The following SCN10A variants were observed in gnomAD, a reference collection of about 807,000 sequenced individuals.
SCN10A encodes the protein sodium channel protein type 10 subunit alpha.
In SCN10A, 162 loss-of-function variants were observed where a neutral mutation model predicts 170.7. That is an observed-to-expected ratio of 0.95 (90% CI 0.84 to 1.08). SCN10A has a LOEUF of 1.08. Ranked by LOEUF, SCN10A falls within the 50% of genes least tolerant of loss-of-function variation. The pLI is 0.00. For missense variants in SCN10A, 2,527 were observed against 2,436.9 expected, an observed-to-expected ratio of 1.04 and a Z score of -0.78; for synonymous variants, 985 against 904.6, an observed-to-expected ratio of 1.09 and a Z score of -1.59.
intron 4 of SCN10A, among the ~76,000 whole-genome samples, chr3:38,776,920 T>C (rs892441563): frequency 6.6e-6 from 1 of 152,034 alleles, no homozygotes; most frequent in Non-Finnish European, 1.5e-5. Context: ...TTTACTATAC[T>C]AACAGATGAA....
At position 38,710,874 on chromosome 3, in the gene SCN10A, G is replaced by T; in HGVS notation, c.4113C>A (p.Asp1371Glu). The stretch of plus-strand genomic sequence containing the variant: ...GGGAATCAACAGCTGCATACATAAT[G>T]TCCATCCAGCCTTTAAAGGTTGCCT... ...LQVATFKGWM[D>E]IMYAAVDSRE... The change falls in exon 24 of 28, where the codon GAC (aspartate) becomes GAA (glutamate). Residue 1371 changes from aspartate to glutamate, a missense_variant. Transcript: ENST00000449082. 6.2e-7 allele frequency: 1 copy of T among 1,613,840 alleles called. No homozygotes were observed.
intron 13 of SCN10A, among the ~76,000 whole-genome samples, chr3:38,742,990 T>C (rs1210490753): frequency 6.6e-6 from 1 of 152,138 alleles, no homozygotes; most frequent in East Asian, 1.9e-4. Flanking sequence ...ACAACTATGC[T>C]TACCAACCCT....
chr3:38,734,123 G>A (rs1347604454), intron 15 of SCN10A, among the ~76,000 whole-genome samples: 1 of 152,202 alleles, frequency 6.6e-6, no homozygotes, highest in Non-Finnish European at 1.5e-5. Context: ...TGGGATTCAA[G>A]CAATTCTCAT....
chr3:38,697,491 T>A lies in SCN10A; in HGVS notation c.5729A>T (p.Glu1910Val). Residue 1910 changes from glutamate (E) to valine (V), a missense_variant, in exon 28 of 28, where the codon GAA (glutamate) becomes GTA (valine). Transcript: ENST00000449082. ...TGGGAATGATGTGGCAGAAGCAGTTTCAGATTTGTCTGGGAGTACACAATT... is the reference window on the plus strand; with the variant it reads ...TGGGAATGATGTGGCAGAAGCAGTTACAGATTTGTCTGGGAGTACACAATT... Reference protein sequence around the residue: ...NENCVLPDKSETASATSFPPS... With the variant: ...NENCVLPDKSVTASATSFPPS... 3 of 1,614,196 alleles carry A rather than the reference T, an allele frequency of 1.9e-6. No homozygotes were observed. Among genetic ancestry groups the A allele is most frequent in the South Asian group, 1.1e-5 (1 of 91,074 alleles).
At chr3:38,766,325 G>A (rs1428686358) in intron 5 of SCN10A, among the ~76,000 whole-genome samples, 1 of 152,088 alleles carries the variant, frequency 6.6e-6, no homozygotes, top group Non-Finnish European at 1.5e-5. Flanking sequence ...TTCTCAGGGG[G>A]AATGCTTTCA....
intron 20 of SCN10A, 53 bp from the exon 21 acceptor site, chr3:38,718,879 G>A: frequency 4.5e-6 from 7 of 1,564,084 alleles, no homozygotes; most frequent in Non-Finnish European, 4.4e-6. Flanking sequence ...CACAGCACTG[G>A]GGCCCAGACT....
intron 17 of SCN10A, among the ~76,000 whole-genome samples, chr3:38,726,058 G>T (rs1314725488): frequency 6.6e-6 from 1 of 152,126 alleles, no homozygotes; most frequent in African/African-American, 2.4e-5. Flanking sequence ...GGTTAGCGAG[G>T]GTTGATATAC....
At chr3:38,714,224 T>G in intron 21 of SCN10A, 144 bp from the exon 22 acceptor site, 1 of 941,792 alleles carries the variant, frequency 1.1e-6, no homozygotes, top group Non-Finnish European at 1.6e-6. Context: ...GGAACTCCAA[T>G]GAGAGGTCTA....
Position 38,816,024 on chromosome 3 carries a change from C to A in SCN10A, c.-33+13G>T, listed in dbSNP as rs1245632913. The A allele has an allele frequency of 6.6e-6, 1 of 152,222 alleles. No homozygotes were observed. The highest frequency in any genetic ancestry group is 1.5e-5 in the Non-Finnish European group (1 of 68,034). 9.4% of individuals were successfully genotyped at this position (152,222 alleles called of 1,614,324 possible). A position where few individuals can be genotyped will look rare whatever the true frequency, so the allele number is the denominator to read the frequency against. ...ACTGTTAGCCACAGACTAACAAAGT[C>A]GCACAGCCAAACCTTTGCTGCTCAA... On this transcript the variant is annotated intron_variant, in intron 1 of 27. Coordinates refer to ENST00000449082, the MANE Select transcript of SCN10A (RefSeq NM_006514.4).
At chr3:38,810,217 G>GA (rs1409123784) in intron 1 of SCN10A, among the ~76,000 whole-genome samples, 8 of 152,230 alleles carry the variant, frequency 5.3e-5, no homozygotes, top group Admixed American at 2.0e-4. Context: ...AGTTTCTAAA[G>GA]AAAAAATACG....
chr3:38,714,206 C>T (rs1326956749), intron 21 of SCN10A, 126 bp from the exon 22 acceptor site: 11 of 1,153,998 alleles, frequency 9.5e-6, no homozygotes, highest in Admixed American at 2.3e-5. Flanking sequence ...CTAGCTCCCA[C>T]CTTATTCGGA....
At chr3:38,766,647 T>G (rs1371132506) in intron 5 of SCN10A, among the ~76,000 whole-genome samples, 1 of 152,194 alleles carries the variant, frequency 6.6e-6, no homozygotes, top group Non-Finnish European at 1.5e-5. Context: ...AGCATTTTGT[T>G]GAGGATTTTT....
chr3:38,713,423 T>A (rs541438339), intron 22 of SCN10A, among the ~76,000 whole-genome samples: 1 of 152,236 alleles, frequency 6.6e-6, no homozygotes, highest in Non-Finnish European at 1.5e-5. Flanking sequence ...TAGATGCTTG[T>A]GGAGCGATGA....
In SCN10A at chr3:38,714,064, A is replaced by C. The variant is rs777731699; in HGVS notation, c.3698T>G (p.Leu1233Arg). Reference protein sequence around the residue: ...FLIVNISLISLTAKILEYSEV... With the variant: ...FLIVNISLISRTAKILEYSEV... ...AGAATATTCCAGAATCTTCGCTGTG[A>C]GACTTATCAGTGAGATCTGAGTGCA... is the stretch of plus-strand genomic sequence containing the variant. Residue 1233 changes from leucine (L) to arginine (R), a missense_variant, in exon 22 of 28, where the codon CTC becomes CGC. Coordinates refer to ENST00000449082, the MANE Select transcript of SCN10A (RefSeq NM_006514.4). The C allele has an allele frequency of 5.6e-6, 9 of 1,614,190 alleles. No individual in the cohort carries two copies. Among genetic ancestry groups the C allele is most frequent in the Non-Finnish European group, 7.6e-6 (9 of 1,180,024 alleles).
intron 5 of SCN10A, among the ~76,000 whole-genome samples, chr3:38,766,682 G>T (rs1479825567): frequency 6.6e-6 from 1 of 151,992 alleles, no homozygotes; most frequent in African/African-American, 2.4e-5. Context: ...CAGGGATATT[G>T]TCTGTAGTTC....
intron 26 of SCN10A, among the ~76,000 whole-genome samples, chr3:38,704,459 G>T (rs1483686250): frequency 2.0e-5 from 3 of 152,224 alleles, no homozygotes; most frequent in Non-Finnish European, 4.4e-5. Context: ...TCTGACTTTA[G>T]GGAATGGAGT....
chr3:38,712,276 A>G lies in SCN10A; in HGVS notation c.3974T>C (p.Ile1325Thr). 1.2e-6 allele frequency: 2 copies of G among 1,614,220 alleles called. No individual in the cohort carries two copies. The highest frequency in any genetic ancestry group is 1.7e-6 in the Non-Finnish European group (2 of 1,180,026). The stretch of plus-strand genomic sequence containing the variant: ...CTTGCAGTCAGACTTGTTATTCACA[A>G]TCGACAAAGGTACAAGGGAAAACTC... ...DGEFSLVPLS[I>T]VNNKSDCKIQ... is the part of the protein sequence containing the mutation. Residue 1325 changes from isoleucine to threonine, a missense_variant, in exon 23 of 28, where the codon ATT becomes ACT. By Grantham distance (89) the Ile-to-Thr change is moderately conservative. Coordinates refer to ENST00000449082, the MANE Select transcript of SCN10A (RefSeq NM_006514.4).
intron 25 of SCN10A, among the ~76,000 whole-genome samples, chr3:38,707,631 C>T (rs1248620421): frequency 1.3e-5 from 2 of 152,128 alleles, no homozygotes; most frequent in African/African-American, 4.8e-5. Flanking sequence ...TCCAGAGATG[C>T]TGGATAAAGG....
intron 13 of SCN10A, among the ~76,000 whole-genome samples, chr3:38,747,068 C>T (rs985106695): frequency 2.0e-5 from 3 of 152,254 alleles, no homozygotes; most frequent in South Asian, 2.1e-4. Context: ...TAACATCCAA[C>T]CAGAGAAGAT....
Sources: allele counts gnomAD v4.1 joint callset (sites outside exome capture counted in the v4.1 genomes callset), GRCh38; gene constraint gnomAD v4.1.1; transcripts MANE v1.5; gene names NCBI Gene and HGNC (gene_info 2026-07-23, HGNC 2026-07-21).